LMO1: variants seen among roughly 807,000 people sequenced by gnomAD.
The protein encoded by LMO1 is rhombotin-1.
A neutral mutation model predicts 18.0 loss-of-function variants in LMO1; 10 were observed. The observed-to-expected ratio is 0.55, with a 90% CI of 0.34 to 0.94. The LOEUF (loss-of-function observed/expected upper bound fraction) is 0.94. Among genes scored for constraint, LMO1 ranks in the 40% least tolerant of loss-of-function variants. The pLI, the probability that LMO1 is intolerant of heterozygous loss-of-function variation, is 0.02. For missense variants in LMO1, 183 were observed against 205.7 expected, an observed-to-expected ratio of 0.89 and a Z score of 0.68; for synonymous variants, 77 against 77.9, an observed-to-expected ratio of 0.99 and a Z score of 0.06.
chr11:8,260,121 C>G (rs977337413), intron 1 of LMO1, among the ~76,000 whole-genome samples: 1 of 152,128 alleles, frequency 6.6e-6, no homozygotes, highest in African/African-American at 2.4e-5. Context: ...CCCCACAGAC[C>G]AAAGCTCTCA....
chr11:8,247,416 C>T (rs1846913779), intron 1 of LMO1, among the ~76,000 whole-genome samples: 1 of 152,130 alleles, frequency 6.6e-6, no homozygotes, highest in African/African-American at 2.4e-5. Context: ...AGCACCATGC[C>T]CAGACTAGGG....
At chr11:8,260,384 T>C (rs2134586491) in intron 1 of LMO1, among the ~76,000 whole-genome samples, 1 of 152,266 alleles carries the variant, frequency 6.6e-6, no homozygotes, top group East Asian at 1.9e-4. Flanking sequence ...CCCAGCAGCA[T>C]GTAGAAAGCC....
chr11:8,254,083 T>C (rs901554618), intron 1 of LMO1, among the ~76,000 whole-genome samples: 2 of 152,038 alleles, frequency 1.3e-5, no homozygotes, highest in African/African-American at 4.8e-5. Flanking sequence ...TAGCGGCGTA[T>C]GAGAGGAAAA....
chr11:8,227,889 G>A (rs1258534433), intron 2 of LMO1, among the ~76,000 whole-genome samples: 5 of 152,132 alleles, frequency 3.3e-5, no homozygotes, highest in South Asian at 2.1e-4. Context: ...GGCTGCTCTC[G>A]AACTCCTGGC....
chr11:8,265,954 A>G (rs1420633257), upstream of LMO1, among the ~76,000 whole-genome samples: 1 of 152,132 alleles, frequency 6.6e-6, no homozygotes, highest in African/African-American at 2.4e-5. Flanking sequence ...TCTCTTGTCC[A>G]CGAGTTTGTC....
intron 2 of LMO1, among the ~76,000 whole-genome samples, chr11:8,227,320 T>G (rs1241162363): frequency 1.3e-5 from 2 of 152,130 alleles, no homozygotes; most frequent in Non-Finnish European, 2.9e-5. Context: ...GGAGGGTGTG[T>G]AGGGGGTCAG....
At chr11:8,259,223 C>T (rs1847146767) in intron 1 of LMO1, among the ~76,000 whole-genome samples, 2 of 152,200 alleles carry the variant, frequency 1.3e-5, no homozygotes, top group African/African-American at 4.8e-5. Flanking sequence ...TGTTGTTTCC[C>T]TGTCCCCCCT....
chr11:8,252,750 C>G (rs1250931255), intron 1 of LMO1, among the ~76,000 whole-genome samples: 1 of 152,218 alleles, frequency 6.6e-6, no homozygotes, highest in Non-Finnish European at 1.5e-5. Context: ...TTGAAACAAC[C>G]CCACATGAAT....
At chr11:8,248,196 C>G (rs927049051) in intron 1 of LMO1, among the ~76,000 whole-genome samples, 1 of 152,242 alleles carries the variant, frequency 6.6e-6, no homozygotes, top group Non-Finnish European at 1.5e-5. Flanking sequence ...AGCGGTCAGG[C>G]CCTCATGCCG....
At chr11:8,256,077 G>A (rs71463719) in intron 1 of LMO1, among the ~76,000 whole-genome samples, 72,259 of 151,832 alleles carry the variant, frequency 0.48, 17,606 homozygotes, top group Middle Eastern at 0.63. Flanking sequence ...CTCCCGCCTC[G>A]GCCTCCCAAA....
rs73415224 is a variant in LMO1 at position 8,238,927 on chromosome 11, C to A, written c.26-8423G>T. 5.2e-3 allele frequency among the ~76,000 whole-genome samples: 796 copies of A among 152,312 alleles called. 14 individuals are homozygous for A. Among genetic ancestry groups the A allele is most frequent in the African/African-American group, 0.018 (748 of 41,572 alleles). On this transcript the variant is annotated intron_variant, in intron 1 of 3. Transcript: ENST00000335790. ...ATGCCCTCATCAGAGCTCTGTATGC[C>A]TTTCATAAACCCCACCATTTACTCA...
chr11:8,251,984 G>GT (rs1847008332), intron 1 of LMO1, among the ~76,000 whole-genome samples: 1 of 122,112 alleles, frequency 8.2e-6, no homozygotes, highest in African/African-American at 2.6e-5. Context: ...GTGCGTGTGT[G>GT]GGGGTGTGCG....
chr11:8,250,044 AT>A (rs11357195), intron 1 of LMO1, among the ~76,000 whole-genome samples: 78,410 of 150,408 alleles, frequency 0.52, 20,685 homozygotes, highest in East Asian at 0.84. Flanking sequence ...ACCTTTCCCC[AT>A]TTTTTTTTTA....
chr11:8,241,797 A>G (rs534617539), intron 1 of LMO1, among the ~76,000 whole-genome samples: 1 of 152,026 alleles, frequency 6.6e-6, no homozygotes, highest in African/African-American at 2.4e-5. Flanking sequence ...AAAAAAAAAA[A>G]AAACAAAAAA....
chr11:8,237,391 G>A (rs955958374), intron 1 of LMO1, among the ~76,000 whole-genome samples: 4 of 152,112 alleles, frequency 2.6e-5, no homozygotes, highest in African/African-American at 7.2e-5. Context: ...CATTTCGCAC[G>A]GACACATCCA....
chr11:8,247,252 AGCATCATAGTAAGGACTCCCCCAG>A (rs1846910775), intron 1 of LMO1, among the ~76,000 whole-genome samples: 1 of 152,216 alleles, frequency 6.6e-6, no homozygotes, highest in Non-Finnish European at 1.5e-5. Context: ...CATAATGAAT[AGCATCATAGTAAGGACTCCCCCAG>A]GCAGGGTTGG....
upstream of LMO1, chr11:8,268,404 G>A (rs1847282789): frequency 1.4e-6 from 2 of 1,467,502 alleles, no homozygotes; most frequent in South Asian, 1.3e-5. Flanking sequence ...CCCGGGCACC[G>A]GCACCGGGCG....
intron 1 of LMO1, among the ~76,000 whole-genome samples, chr11:8,256,587 G>T (rs1466761689): frequency 1.3e-5 from 2 of 152,220 alleles, no homozygotes; most frequent in Non-Finnish European, 2.9e-5. Context: ...GCCCCCAGTT[G>T]TATCAGCTAC....
upstream of LMO1, among the ~76,000 whole-genome samples, chr11:8,265,788 T>A (rs1240395257): frequency 1.3e-5 from 2 of 152,156 alleles, no homozygotes; most frequent in Admixed American, 1.3e-4. Context: ...AAGGGGCAAC[T>A]TCTTGCCGTA....
Sources: gnomAD v4.1 joint callset for allele counts (sites outside exome capture counted in the v4.1 genomes callset) on GRCh38, gnomAD v4.1.1 for gene constraint, MANE v1.5 for transcripts, NCBI Gene and HGNC (gene_info 2026-07-23, HGNC 2026-07-21) for gene names.